The following RNF121 variants were observed in gnomAD, a reference collection of about 807,000 sequenced individuals.
RNF121 encodes ring finger protein 121, also known as E3 ubiquitin ligase RNF121.
A neutral mutation model predicts 46.5 loss-of-function variants in RNF121; 21 were observed. That is an observed-to-expected ratio of 0.45 (90% CI 0.32 to 0.65). The LOEUF (loss-of-function observed/expected upper bound fraction) is 0.65, where lower values mean the gene tolerates loss of function less well. Among genes scored for constraint, RNF121 ranks in the 30% least tolerant of loss-of-function variants. RNF121 has a pLI of 0.04. For missense variants in RNF121, 346 were observed against 416.0 expected, an observed-to-expected ratio of 0.83 and a Z score of 1.46; for synonymous variants, 139 against 144.7, an observed-to-expected ratio of 0.96 and a Z score of 0.28.
intron 3 of RNF121, among the ~76,000 whole-genome samples, chr11:71,971,564 A>G (rs1296804698): frequency 6.6e-6 from 1 of 152,158 alleles, no homozygotes; most frequent in Admixed American, 6.5e-5. Context: ...ATTAATATTT[A>G]TCCAGAGAAA....
At chr11:71,929,421 A>G (rs577796589) in intron 1 of RNF121, among the ~76,000 whole-genome samples, 3 of 152,136 alleles carry the variant, frequency 2.0e-5, no homozygotes, top group East Asian at 3.9e-4. Flanking sequence ...GTCTTAGGGT[A>G]GGACCGAAGG....
intron 1 of RNF121, among the ~76,000 whole-genome samples, chr11:71,945,675 A>C (rs1953696374): frequency 6.6e-6 from 1 of 152,206 alleles, no homozygotes; most frequent in Non-Finnish European, 1.5e-5. Flanking sequence ...ATACGACTCA[A>C]ATGATCCTTT....
intron 1 of RNF121, among the ~76,000 whole-genome samples, chr11:71,933,518 A>G (rs892800369): frequency 4.6e-5 from 7 of 152,236 alleles, no homozygotes; most frequent in African/African-American, 1.4e-4. Context: ...TTATTCAAAC[A>G]AAATTTCACT....
Position 71,995,456 on chromosome 11 carries a change from C to T in RNF121, c.768C>T (p.His256=), listed in dbSNP as rs1442574473. Residue 256 remains histidine, a synonymous_variant, in exon 8 of 9, where the codon CAC becomes CAT. Transcript: ENST00000361756. ...TYRLSCNHVF[H]EFCIRGWCIV... ...CTTGACCAGCGGTGCTCAGCTTCCA[C>T]GAGTTCTGCATCCGTGGCTGGTGCA... The T allele has an allele frequency of 3.8e-6, 6 of 1,578,866 alleles. No homozygotes were observed. The South Asian group carries it at 4.6e-5, about 12-fold the overall frequency.
chr11:71,952,677 C>T (rs1042766241), intron 1 of RNF121, among the ~76,000 whole-genome samples: 2 of 151,984 alleles, frequency 1.3e-5, no homozygotes, highest in Non-Finnish European at 2.9e-5. Flanking sequence ...GGCGTGGTGG[C>T]GCATGCCTGT....
chr11:71,929,367 T>G, intron 1 of RNF121, among the ~76,000 whole-genome samples: 1 of 142,680 alleles, frequency 7.0e-6, no homozygotes, highest in African/African-American at 2.6e-5. Flanking sequence ...GAGAGAGAGG[T>G]CGGAGGGGTG....
intron 1 of RNF121, among the ~76,000 whole-genome samples, chr11:71,932,704 T>A (rs1036450346): frequency 4.6e-5 from 7 of 152,212 alleles, no homozygotes; most frequent in Admixed American, 4.6e-4. Context: ...AAACCCATGT[T>A]TCCAGATTCC....
At chr11:71,941,992 G>A (rs2134153700) in intron 1 of RNF121, among the ~76,000 whole-genome samples, 1 of 149,204 alleles carries the variant, frequency 6.7e-6, no homozygotes, top group East Asian at 2.0e-4. Context: ...GAGTGCAGTA[G>A]CGCGATCTTG....
intron 1 of RNF121, among the ~76,000 whole-genome samples, chr11:71,952,807 C>CA (rs111500493): frequency 0.89 from 133,199 of 150,422 alleles, 59,181 homozygotes; most frequent in Non-Finnish European, 0.94. Flanking sequence ...GACTCTGTCT[C>CA]AAAAAAAAAA....
intron 1 of RNF121, among the ~76,000 whole-genome samples, chr11:71,931,203 A>G (rs1177092004): frequency 6.6e-6 from 1 of 152,154 alleles, no homozygotes; most frequent in Non-Finnish European, 1.5e-5. Flanking sequence ...TGCTTGAAGG[A>G]CTTGAGAGCG....
At chr11:71,951,345 A>G (rs1481663696) in intron 1 of RNF121, among the ~76,000 whole-genome samples, 1 of 152,158 alleles carries the variant, frequency 6.6e-6, no homozygotes, top group Non-Finnish European at 1.5e-5. Flanking sequence ...ATTAGGATGT[A>G]CATTATTTTT....
rs148985005 is a variant in RNF121, at chr11:71,931,656, C to T, written c.63+2532C>T. Among the ~76,000 whole-genome samples the T allele has an allele frequency of 3.4e-3, 523 of 151,988 alleles. 4 individuals are homozygous for T. The highest frequency in any genetic ancestry group is 0.012 in the African/African-American group (497 of 41,402). On this transcript the variant is annotated intron_variant, in intron 1 of 8. Transcript: ENST00000361756. ...GTCGAGTGAAGAGACATGCAAATAG[C>T]GTATTATAATACTAGATAATTGCTG...
chr11:71,935,948 AGGGT>A (rs1403735169), intron 1 of RNF121, among the ~76,000 whole-genome samples: 1 of 148,078 alleles, frequency 6.8e-6, no homozygotes, highest in Admixed American at 6.8e-5. Flanking sequence ...CCTGGGTTCA[AGGGT>A]TTCTCCTGCC....
intron 5 of RNF121, among the ~76,000 whole-genome samples, chr11:71,988,994 G>A (rs571760805): frequency 1.4e-4 from 22 of 152,090 alleles, no homozygotes; most frequent in Non-Finnish European, 2.9e-4. Context: ...ATATCTCCTG[G>A]TAACTTTCTA....
intron 3 of RNF121, among the ~76,000 whole-genome samples, chr11:71,965,033 C>A (rs1954241826): frequency 6.6e-6 from 1 of 152,104 alleles, no homozygotes; most frequent in South Asian, 2.1e-4. Flanking sequence ...AAAATTTGAA[C>A]AATGTAACAG....
chr11:71,988,233 C>G (rs990141330), intron 5 of RNF121, among the ~76,000 whole-genome samples: 2 of 152,116 alleles, frequency 1.3e-5, no homozygotes, highest in East Asian at 3.8e-4. Context: ...CCTCCCACCC[C>G]GAATTGAGTC....
intron 3 of RNF121, among the ~76,000 whole-genome samples, chr11:71,976,270 G>A (rs796549104): frequency 1.5e-4 from 22 of 149,874 alleles, no homozygotes; most frequent in African/African-American, 5.2e-4. Context: ...CCCAAGCCCT[G>A]ATCCTAGGGT....
rs139071623 is a variant in RNF121, at chr11:71,932,530, C to T, written c.63+3406C>T. On this transcript the variant is annotated intron_variant, in intron 1 of 8. Coordinates refer to ENST00000361756, the MANE Select transcript of RNF121 (RefSeq NM_018320.5). ...TAATCATCTCATGTAAAAATTGATA[C>T]CGTATATTTGATAAGTGGCTGTGAT... 5.3e-5 allele frequency among the ~76,000 whole-genome samples: 8 copies of T among 152,266 alleles called. No homozygotes were observed. The East Asian group carries it at 1.5e-3, about 29-fold the overall frequency.
At chr11:71,952,326 G>T (rs1953900028) in intron 1 of RNF121, among the ~76,000 whole-genome samples, 1 of 152,220 alleles carries the variant, frequency 6.6e-6, no homozygotes, top group African/African-American at 2.4e-5. Context: ...CAGGGAACAT[G>T]GAGAGTGACT....
Sources: gnomAD v4.1 joint callset for allele counts (sites outside exome capture counted in the v4.1 genomes callset) on GRCh38, gnomAD v4.1.1 for gene constraint, MANE v1.5 for transcripts, NCBI Gene and HGNC (gene_info 2026-07-23, HGNC 2026-07-21) for gene names.